The following LRP1B variants were observed in gnomAD, a reference collection of about 807,000 sequenced individuals.
LRP1B encodes the protein low-density lipoprotein receptor-related protein 1B.
In LRP1B, 217 loss-of-function variants were observed where a neutral mutation model predicts 556.6. The ratio of observed to expected loss-of-function variants is 0.39; its 90% CI spans 0.35 to 0.44. The LOEUF (loss-of-function observed/expected upper bound fraction) is 0.44. Ranked by LOEUF, LRP1B falls within the 20% of genes least tolerant of loss-of-function variation. The probability of loss-of-function intolerance (pLI) is 1.00; values close to 1 mark genes in which losing one functional copy is unlikely to be tolerated. For synonymous variants in LRP1B, 2,047 were observed against 1,865.8 expected, an observed-to-expected ratio of 1.10 and a Z score of -2.50; for missense variants, 5,053 against 5,620.8, an observed-to-expected ratio of 0.90 and a Z score of 3.23.
At chr2:140,251,956 A>G (rs189413708) in intron 86 of LRP1B, among the ~76,000 whole-genome samples, 91 of 150,670 alleles carry the variant, frequency 6.0e-4, no homozygotes, top group African/African-American at 1.9e-3. Flanking sequence ...TGGTGAGCAT[A>G]TAAAACTACA....
chr2:141,401,631 C>T (rs752216812), intron 3 of LRP1B, among the ~76,000 whole-genome samples: 4 of 152,132 alleles, frequency 2.6e-5, no homozygotes, highest in Non-Finnish European at 5.9e-5. Context: ...ACACTGTCAT[C>T]ATTATTTTCT....
intron 2 of LRP1B, among the ~76,000 whole-genome samples, chr2:141,520,404 A>G (rs1417764442): frequency 6.6e-6 from 1 of 152,164 alleles, no homozygotes; most frequent in Non-Finnish European, 1.5e-5. Context: ...GGATTTCAAC[A>G]GAGCTCGCTT....
chr2:141,123,358 T>C (rs1035328670), intron 7 of LRP1B, among the ~76,000 whole-genome samples: 1 of 152,050 alleles, frequency 6.6e-6, no homozygotes, highest in Non-Finnish European at 1.5e-5. Flanking sequence ...AATACTAGAT[T>C]TGGCCTCTTT....
At chr2:141,996,023 G>A (rs912068972) in intron 1 of LRP1B, among the ~76,000 whole-genome samples, 1 of 152,062 alleles carries the variant, frequency 6.6e-6, no homozygotes, top group African/African-American at 2.4e-5. Context: ...GAAGGCCAAG[G>A]CGGGCAGATC....
intron 11 of LRP1B, among the ~76,000 whole-genome samples, chr2:141,031,575 A>G (rs558137713): frequency 1.3e-5 from 2 of 152,128 alleles, no homozygotes; most frequent in African/African-American, 4.8e-5. Flanking sequence ...AAATATGTAT[A>G]GATTACAAAA....
intron 60 of LRP1B, among the ~76,000 whole-genome samples, chr2:140,464,071 C>T (rs905167130): frequency 7.9e-5 from 12 of 151,986 alleles, no homozygotes; most frequent in African/African-American, 2.9e-4. Flanking sequence ...TGGTGCATGC[C>T]TGTAGTCCCA....
intron 41 of LRP1B, among the ~76,000 whole-genome samples, chr2:140,695,385 AC>A (rs1456613645): frequency 6.6e-6 from 1 of 151,990 alleles, no homozygotes; most frequent in Admixed American, 6.6e-5. Flanking sequence ...GTCACTTCCT[AC>A]AAGTCATTGG....
At chr2:141,961,204 G>A (rs975678492) in intron 1 of LRP1B, among the ~76,000 whole-genome samples, 3 of 151,416 alleles carry the variant, frequency 2.0e-5, no homozygotes, top group Non-Finnish European at 4.4e-5. Flanking sequence ...ATTTTTCAGA[G>A]TCATTGCAAC....
At chr2:140,496,588 A>G (rs552991325) in intron 55 of LRP1B, among the ~76,000 whole-genome samples, 1 of 152,164 alleles carries the variant, frequency 6.6e-6, no homozygotes, top group South Asian at 2.1e-4. Context: ...TGGTATGTCA[A>G]CTCATAGGCT....
At chr2:141,716,097 T>TC (rs1692573872) in intron 2 of LRP1B, among the ~76,000 whole-genome samples, 1 of 152,204 alleles carries the variant, frequency 6.6e-6, no homozygotes, top group Admixed American at 6.5e-5. Context: ...AGTGTACATC[T>TC]CTTTCAGGTA....
At chr2:140,900,791 C>A (rs1694081132) in intron 23 of LRP1B, among the ~76,000 whole-genome samples, 1 of 141,254 alleles carries the variant, frequency 7.1e-6, no homozygotes, top group Admixed American at 7.5e-5. Flanking sequence ...TATTCAAGAA[C>A]AATATGTCCT....
In LRP1B at chr2:140,544,781, A is replaced by T. The variant is rs139669630; in HGVS notation, c.7195-2810T>A. On this transcript the variant is annotated intron_variant, in intron 43 of 90. Coordinates refer to ENST00000389484, the MANE Select transcript of LRP1B (RefSeq NM_018557.3). Reference sequence around the variant, plus strand: ...TATTGTGAGTAGGGCTGTAATTAACATCCATGTGCATGTATCTTTACAATA... The same window carrying T: ...TATTGTGAGTAGGGCTGTAATTAACTTCCATGTGCATGTATCTTTACAATA... 3.5e-3 allele frequency among the ~76,000 whole-genome samples: 540 copies of T among 152,272 alleles called. 4 individuals carry two copies. The highest frequency in any genetic ancestry group is 0.013 in the African/African-American group (526 of 41,562).
At position 141,063,378 on chromosome 2, in the gene LRP1B, T is replaced by C. The variant is rs912316382; in HGVS notation, c.1014-1105A>G. Among the ~76,000 whole-genome samples the C allele has an allele frequency of 2.0e-5, 3 of 151,858 alleles. No homozygotes were observed. The East Asian group carries it at 5.8e-4, about 29-fold the overall frequency. On this transcript the variant is annotated intron_variant, in intron 7 of 90. Transcript: ENST00000389484. ...TAGTTCTCTCTGCTGTAGGAGACAT[T>C]GACTAATTTTTAAACATTAGTGCAT...
chr2:140,780,812 G>A (rs1255418506), intron 32 of LRP1B, among the ~76,000 whole-genome samples: 6 of 152,106 alleles, frequency 3.9e-5, no homozygotes, highest in African/African-American at 1.4e-4. Context: ...ATTGCTACAG[G>A]AGACTAGAAA....
intron 3 of LRP1B, among the ~76,000 whole-genome samples, chr2:141,299,187 T>G (rs1686298294): frequency 6.6e-6 from 1 of 152,128 alleles, no homozygotes; most frequent in African/African-American, 2.4e-5. Context: ...ATTCTTGCAG[T>G]GTAATGAGCC....
intron 2 of LRP1B, among the ~76,000 whole-genome samples, chr2:141,552,172 G>T (rs572283054): frequency 1.3e-5 from 2 of 152,036 alleles, no homozygotes; most frequent in South Asian, 4.1e-4. Flanking sequence ...AGTATCATTG[G>T]TATCAAGGAA....
At chr2:141,726,125 A>G (rs1693021925) in intron 2 of LRP1B, among the ~76,000 whole-genome samples, 1 of 151,524 alleles carries the variant, frequency 6.6e-6, no homozygotes, top group South Asian at 2.1e-4. Flanking sequence ...AGAATATTAT[A>G]TAGGCATTAA....
At chr2:141,914,922 C>G (rs1280470143) in intron 1 of LRP1B, among the ~76,000 whole-genome samples, 1 of 152,174 alleles carries the variant, frequency 6.6e-6, no homozygotes, top group African/African-American at 2.4e-5. Context: ...AATGGCCATA[C>G]TACCCAAAGT....
chr2:140,511,976 T>C (rs111250147), intron 51 of LRP1B, among the ~76,000 whole-genome samples: 4,010 of 152,278 alleles, frequency 0.026, 178 homozygotes, highest in African/African-American at 0.089. Flanking sequence ...ATTCAATGCT[T>C]TGTATAACAT....
Sources: allele counts gnomAD v4.1 joint callset (sites outside exome capture counted in the v4.1 genomes callset), GRCh38; gene constraint gnomAD v4.1.1; transcripts MANE v1.5; gene names NCBI Gene and HGNC (gene_info 2026-07-23, HGNC 2026-07-21).